Variants in NRXN3 observed in about 807,000 individuals in gnomAD.
The protein encoded by NRXN3 is neurexin III.
In NRXN3, 32 loss-of-function variants were observed where a neutral mutation model predicts 137.6. The observed-to-expected ratio is 0.23, with a 90% CI of 0.18 to 0.31. The LOEUF is 0.31. Among genes scored for constraint, NRXN3 ranks in the 10% least tolerant of loss-of-function variants. The pLI is 1.00. For synonymous variants in NRXN3, 798 were observed against 784.5 expected, an observed-to-expected ratio of 1.02 and a Z score of -0.29; for missense variants, 1,574 against 2,062.5, an observed-to-expected ratio of 0.76 and a Z score of 4.59.
rs2099416251 is a variant in NRXN3 at position 79,863,533 on chromosome 14, A to C, written c.*1569A>C. 6.6e-6 allele frequency: 1 copy of C among 152,032 alleles called. No individual in the cohort carries two copies. The highest frequency in any genetic ancestry group is 2.4e-5 in the African/African-American group (1 of 41,334). 9.4% of individuals were successfully genotyped at this position (152,032 alleles called of 1,614,324 possible). On this transcript the variant is annotated 3_prime_UTR_variant, in exon 21 of 21. Transcript: ENST00000335750. ...AAAGAGAATTAAAAAAAAAAACTTC[A>C]GATTTTGTTTACATATTTTACTACA...
At chr14:78,276,674 G>A (rs1341574173) in intron 2 of NRXN3, among the ~76,000 whole-genome samples, 1 of 152,114 alleles carries the variant, frequency 6.6e-6, no homozygotes, top group Non-Finnish European at 1.5e-5. Context: ...AGACCTGTCC[G>A]CCTCTGAAAT....
At chr14:79,763,228 C>T (rs2099044687) in intron 19 of NRXN3, among the ~76,000 whole-genome samples, 1 of 151,608 alleles carries the variant, frequency 6.6e-6, no homozygotes, top group Non-Finnish European at 1.5e-5. Context: ...GCATAGTATT[C>T]CATGGTGTAT....
intron 16 of NRXN3, among the ~76,000 whole-genome samples, chr14:79,616,902 T>C (rs1247933739): frequency 1.3e-5 from 2 of 152,194 alleles, no homozygotes; most frequent in East Asian, 3.9e-4. Context: ...ACTTAGTTTG[T>C]TACAGAGCTG....
At chr14:78,896,722 A>G (rs1273912424) in intron 10 of NRXN3, among the ~76,000 whole-genome samples, 1 of 151,938 alleles carries the variant, frequency 6.6e-6, no homozygotes, top group Non-Finnish European at 1.5e-5. Context: ...ACCTAAAGGA[A>G]GAATGAAAAA....
intron 2 of NRXN3, among the ~76,000 whole-genome samples, chr14:78,257,948 A>G (rs1012994910): frequency 6.6e-5 from 10 of 152,140 alleles, no homozygotes; most frequent in African/African-American, 2.4e-4. Flanking sequence ...GTAGTGATGG[A>G]AGAAGGGCTG....
intron 12 of NRXN3, among the ~76,000 whole-genome samples, chr14:78,966,893 A>G (rs879864238): frequency 2.0e-5 from 3 of 152,130 alleles, no homozygotes; most frequent in Non-Finnish European, 4.4e-5. Flanking sequence ...AAAAACCAAA[A>G]CAGATTAATG....
intron 2 of NRXN3, among the ~76,000 whole-genome samples, chr14:78,251,475 G>C (rs986327795): frequency 1.3e-5 from 2 of 152,168 alleles, no homozygotes; most frequent in African/African-American, 4.8e-5. Context: ...TAAGCAACAG[G>C]TCCCACCTCT....
At position 78,242,972 on chromosome 14, in the gene NRXN3, T is replaced by C. The variant is rs79657956; in HGVS notation, c.-122T>C. On this transcript the variant is annotated 5_prime_UTR_variant, in exon 2 of 21. Coordinates refer to ENST00000335750, the MANE Select transcript of NRXN3 (RefSeq NM_001330195.2). ...ATCTGTGTGTGTGCTGCCTTCCTCC[T>C]GTGTGCTTTCTGTCCCCCCATCTCT... The C allele has an allele frequency of 2.0e-4, 131 of 670,898 alleles. 1 individual carries two copies. In the African/African-American group the frequency reaches 2.2e-3, roughly 11 times the overall value. The allele number at this position is 670,898 out of a possible 1,614,324, so 41.6% of individuals were successfully genotyped here.
At chr14:79,348,021 T>G (rs1339016851) in intron 15 of NRXN3, among the ~76,000 whole-genome samples, 1 of 152,208 alleles carries the variant, frequency 6.6e-6, no homozygotes, top group East Asian at 1.9e-4. Context: ...TTCATGGCTT[T>G]TTAAGCTTTA....
chr14:79,255,043 A>G (rs548789289), intron 15 of NRXN3, among the ~76,000 whole-genome samples: 3 of 152,310 alleles, frequency 2.0e-5, no homozygotes, highest in South Asian at 4.1e-4. Context: ...TTGAAGGAGA[A>G]TAGCATTCCT....
intron 15 of NRXN3, among the ~76,000 whole-genome samples, chr14:79,453,876 C>T (rs1475470091): frequency 6.6e-6 from 1 of 152,134 alleles, no homozygotes; most frequent in Non-Finnish European, 1.5e-5. Context: ...ATTTCTCATG[C>T]TCACTGATCC....
chr14:78,961,370 C>G (rs1394497073), intron 11 of NRXN3, among the ~76,000 whole-genome samples: 2 of 152,062 alleles, frequency 1.3e-5, no homozygotes, highest in African/African-American at 2.4e-5. Flanking sequence ...CCCCTCCCCC[C>G]AGAAGTTAGG....
intron 4 of NRXN3, among the ~76,000 whole-genome samples, chr14:78,453,984 A>G (rs8012563): frequency 0.27 from 41,332 of 152,112 alleles, 8,620 homozygotes; most frequent in African/African-American, 0.57. Flanking sequence ...TGTTGTTTAT[A>G]TCACCTGCTT....
intron 16 of NRXN3, among the ~76,000 whole-genome samples, chr14:79,517,976 G>A (rs2097014243): frequency 7.2e-6 from 1 of 138,694 alleles, no homozygotes; most frequent in Non-Finnish European, 1.5e-5. Flanking sequence ...TGCGATCTCG[G>A]TTCACTGCAA....
At chr14:79,744,755 T>C (rs1488439336) in intron 19 of NRXN3, among the ~76,000 whole-genome samples, 3 of 151,856 alleles carry the variant, frequency 2.0e-5, no homozygotes, top group Non-Finnish European at 4.4e-5. Flanking sequence ...AATTCCTGAG[T>C]TCTAACTAGT....
intron 15 of NRXN3, among the ~76,000 whole-genome samples, chr14:79,297,618 A>C (rs2084403118): frequency 6.6e-6 from 1 of 152,154 alleles, no homozygotes. Context: ...AATTGGAATG[A>C]CAAGAGACTG....
At chr14:79,234,320 A>ATATATATATAT (rs1568714442) in intron 15 of NRXN3, among the ~76,000 whole-genome samples, 1 of 113,628 alleles carries the variant, frequency 8.8e-6, no homozygotes, top group Non-Finnish European at 1.7e-5. Flanking sequence ...ATATATATAT[A>ATATATATATAT]TATATATATA....
chr14:78,351,503 A>G (rs1214083965), intron 4 of NRXN3, among the ~76,000 whole-genome samples: 1 of 152,174 alleles, frequency 6.6e-6, no homozygotes, highest in African/African-American at 2.4e-5. Context: ...TATGGGCCTT[A>G]TAAATTTAGC....
intron 19 of NRXN3, among the ~76,000 whole-genome samples, chr14:79,753,479 A>G (rs1290339186): frequency 6.7e-6 from 1 of 150,004 alleles, no homozygotes; most frequent in African/African-American, 2.5e-5. Context: ...GACAAAAAAC[A>G]AAACACCGCA....
Sources: allele counts gnomAD v4.1 joint callset (sites outside exome capture counted in the v4.1 genomes callset), GRCh38; gene constraint gnomAD v4.1.1; transcripts MANE v1.5; gene names NCBI Gene and HGNC (gene_info 2026-07-23, HGNC 2026-07-21).